The following GEMIN5 variants were observed in gnomAD, a reference collection of about 807,000 sequenced individuals.
The protein encoded by GEMIN5 is gem-associated protein 5.
Under a neutral mutation model 176.9 loss-of-function variants are expected in GEMIN5, and 124 were observed. The ratio of observed to expected loss-of-function variants is 0.70; its 90% CI spans 0.61 to 0.81. The LOEUF (loss-of-function observed/expected upper bound fraction) is 0.81. Ranked by LOEUF, GEMIN5 falls within the 40% of genes least tolerant of loss-of-function variation. GEMIN5 has a pLI of 0.00. For synonymous variants in GEMIN5, 673 were observed against 665.2 expected (o/e 1.01, Z -0.18); for missense variants, 1,843 against 1,814.6 (o/e 1.02, Z -0.28).
chr5:154,901,313 T>C (rs749260647), intron 21 of GEMIN5, 26 bp downstream of exon 21: 2 of 1,599,604 alleles, frequency 1.3e-6, no homozygotes, highest in East Asian at 4.5e-5. Flanking sequence ...GTCCAAGTAT[T>C]ATCCCAACTC....
At chr5:154,933,224 G>A (rs1764202424) in intron 3 of GEMIN5, among the ~76,000 whole-genome samples, 1 of 152,120 alleles carries the variant, frequency 6.6e-6, no homozygotes, top group Non-Finnish European at 1.5e-5. Flanking sequence ...TTTGTGAATT[G>A]TGTTATATCA....
intron 13 of GEMIN5, among the ~76,000 whole-genome samples, chr5:154,915,940 G>A (rs1347181208): frequency 6.6e-6 from 1 of 151,920 alleles, no homozygotes; most frequent in Non-Finnish European, 1.5e-5. Flanking sequence ...GCAGTTTATT[G>A]TAATACTACT....
intron 5 of GEMIN5, among the ~76,000 whole-genome samples, chr5:154,930,752 G>GTGTA (rs1469148639): frequency 8.5e-5 from 13 of 152,118 alleles, no homozygotes; most frequent in Admixed American, 4.6e-4. Context: ...CAACTTTAGA[G>GTGTA]TGTACTTCAT....
At chr5:154,890,467 A>ATTTTT (rs748573084) in intron 26 of GEMIN5, among the ~76,000 whole-genome samples, 2 of 138,170 alleles carry the variant, frequency 1.4e-5, no homozygotes, top group Non-Finnish European at 3.1e-5. Flanking sequence ...TTAAAATTTA[A>ATTTTT]TTTTTTTTTT....
chr5:154,911,705 T>C, intron 15 of GEMIN5, 22 bp downstream of exon 15: 1 of 1,588,912 alleles, frequency 6.3e-7, no homozygotes, highest in Non-Finnish European at 8.6e-7. Flanking sequence ...AAGAATTAGA[T>C]AAGCTCTAGG....
In GEMIN5 at chr5:154,894,036, C is replaced by T. The variant is rs866905640; in HGVS notation, c.3598-1487G>A. ...CTTGGCTCACTGCAGCCTCCGTCTC[C>T]CAGATTTGAATGATTCTCCTGCCTT... On this transcript the variant is annotated intron_variant, in intron 24 of 27. Coordinates refer to ENST00000285873, the MANE Select transcript of GEMIN5 (RefSeq NM_015465.5). 3.9e-5 allele frequency among the ~76,000 whole-genome samples: 6 copies of T among 152,266 alleles called. 1 individual carries two copies. The Middle Eastern group carries it at 0.014, about 345-fold the overall frequency.
At chr5:154,922,759 C>T (rs961598559) in intron 9 of GEMIN5, among the ~76,000 whole-genome samples, 1 of 145,010 alleles carries the variant, frequency 6.9e-6, no homozygotes, top group African/African-American at 2.6e-5. Flanking sequence ...CACAGTGGCA[C>T]GATCTCGGCT....
At chr5:154,933,606 T>C (rs1764208305) in intron 3 of GEMIN5, among the ~76,000 whole-genome samples, 1 of 152,242 alleles carries the variant, frequency 6.6e-6, no homozygotes, top group Non-Finnish European at 1.5e-5. Flanking sequence ...AACTGCATTA[T>C]ACAAAGTGGC....
At chr5:154,907,117 A>T (rs925587329) in intron 16 of GEMIN5, among the ~76,000 whole-genome samples, 6 of 152,014 alleles carry the variant, frequency 3.9e-5, no homozygotes, top group African/African-American at 1.2e-4. Flanking sequence ...CCATTCACAC[A>T]TTTTTTTTCT....
intron 24 of GEMIN5, among the ~76,000 whole-genome samples, chr5:154,893,782 C>T (rs559350024): frequency 1.1e-4 from 17 of 152,224 alleles, no homozygotes; most frequent in African/African-American, 2.4e-4. Context: ...CTTGCTCTGT[C>T]GCCCAGGCTG....
At chr5:154,906,946 T>G (rs1279877040) in intron 16 of GEMIN5, among the ~76,000 whole-genome samples, 1 of 152,244 alleles carries the variant, frequency 6.6e-6, no homozygotes, top group Non-Finnish European at 1.5e-5. Flanking sequence ...TATTTATCAC[T>G]TGGTCTGACA....
intron 23 of GEMIN5, 25 bp downstream of exon 23, chr5:154,898,415 C>T: frequency 6.4e-7 from 1 of 1,571,678 alleles, no homozygotes; most frequent in Non-Finnish European, 8.8e-7. Context: ...CTCTTGTATA[C>T]TAGGAGATGA....
intron 14 of GEMIN5, among the ~76,000 whole-genome samples, chr5:154,912,472 T>C: frequency 6.6e-6 from 1 of 152,204 alleles, no homozygotes. Context: ...TCCTCCCTCA[T>C]AGATCTGGCT....
chr5:154,891,709 T>C lies in GEMIN5; in HGVS notation c.3794A>G (p.His1265Arg). 1.9e-6 allele frequency: 3 copies of C among 1,607,886 alleles called. No homozygotes were observed. The highest frequency in any genetic ancestry group is 2.5e-6 in the Non-Finnish European group (3 of 1,178,206). ...CDHLRDKLGD[H>R]QSPATPAFKS... ...GAAAGCTGGTGTGGCAGGGGATTGA[T>C]GGTCCCCCAACTTGTCTCTTAGGTG... The change falls in exon 26 of 28, where the codon CAT (histidine) becomes CGT (arginine). Residue 1265 changes from histidine (H) to arginine (R), a missense_variant. Coordinates refer to ENST00000285873, the MANE Select transcript of GEMIN5 (RefSeq NM_015465.5).
rs756540662 is a variant in GEMIN5, at chr5:154,888,236, T to C, written c.4501A>G (p.Arg1501Gly). 1 of 1,614,216 alleles carries C rather than the reference T, an allele frequency of 6.2e-7. No individual in the cohort carries two copies. The highest frequency in any genetic ancestry group is 1.1e-5 in the South Asian group (1 of 91,082). Reference protein sequence around the residue: ...QKYGNTKTYRRHCQTFCM With the variant: ...QKYGNTKTYRGHCQTFCM ...CACATACAGAAGGTCTGGCAGTGTC[T>C]TCTGTAAGTTTTCGTGTTGCCGTAT... Residue 1501 changes from arginine to glycine, a missense_variant, in exon 28 of 28, where the codon AGA (arginine) becomes GGA (glycine). Coordinates refer to ENST00000285873, the MANE Select transcript of GEMIN5 (RefSeq NM_015465.5).
At chr5:154,909,229 A>G (rs1763641816) in intron 15 of GEMIN5, among the ~76,000 whole-genome samples, 1 of 142,422 alleles carries the variant, frequency 7.0e-6, no homozygotes, top group Non-Finnish European at 1.5e-5. Flanking sequence ...TCGCCTCCCA[A>G]AGTACTGGGA....
intron 14 of GEMIN5, among the ~76,000 whole-genome samples, 192 bp downstream of exon 14, chr5:154,912,706 CA>C (rs373548362): frequency 0.13 from 18,186 of 141,396 alleles, 1,321 homozygotes; most frequent in African/African-American, 0.21. Flanking sequence ...ATCTAAGTAA[CA>C]AAAAAAAAAA....
In GEMIN5 at chr5:154,887,849, C is replaced by A; in HGVS notation, c.*361G>T. On this transcript the variant is annotated 3_prime_UTR_variant, in exon 28 of 28. Coordinates refer to ENST00000285873, the MANE Select transcript of GEMIN5 (RefSeq NM_015465.5). The stretch of plus-strand genomic sequence containing the variant: ...CACTTCTGATCAGATGAAGTATTTA[C>A]AAAGGTAGCTTGTGTTTTAAGCATG... 1 of 222,420 alleles carries A rather than the reference C, an allele frequency of 4.5e-6. No individual in the cohort carries two copies. Among genetic ancestry groups the A allele is most frequent in the Non-Finnish European group, 8.8e-6 (1 of 113,274 alleles). 13.8% of individuals were successfully genotyped at this position (222,420 alleles called of 1,614,324 possible). A position where few individuals can be genotyped will look rare whatever the true frequency, so the allele number is the denominator to read the frequency against.
intron 9 of GEMIN5, among the ~76,000 whole-genome samples, chr5:154,922,551 A>G (rs985039837): frequency 6.6e-6 from 1 of 152,188 alleles, no homozygotes; most frequent in African/African-American, 2.4e-5. Context: ...TGGCTATTAC[A>G]TGGCTTTTGT....
Sources: gnomAD v4.1 joint callset for allele counts (sites outside exome capture counted in the v4.1 genomes callset) on GRCh38, gnomAD v4.1.1 for gene constraint, MANE v1.5 for transcripts, NCBI Gene and HGNC (gene_info 2026-07-23, HGNC 2026-07-21) for gene names.